The following LMO1 variants were observed in gnomAD, a reference collection of about 807,000 sequenced individuals.
LMO1 encodes the protein LIM domain only 1, also known as rhombotin-1.
Under a neutral mutation model 18.0 loss-of-function variants are expected in LMO1, and 10 were observed. The observed-to-expected ratio is 0.55, with a 90% CI of 0.34 to 0.94. LMO1 has a LOEUF of 0.94. Ranked by LOEUF, LMO1 falls within the 40% of genes least tolerant of loss-of-function variation. The pLI is 0.02. For missense variants in LMO1, 183 were observed against 205.7 expected, an observed-to-expected ratio of 0.89 and a Z score of 0.68; for synonymous variants, 77 against 77.9, an observed-to-expected ratio of 0.99 and a Z score of 0.06.
intron 1 of LMO1, among the ~76,000 whole-genome samples, chr11:8,246,097 G>A (rs1846889171): frequency 6.6e-6 from 1 of 152,030 alleles, no homozygotes; most frequent in Non-Finnish European, 1.5e-5. Flanking sequence ...CCTCCCACCT[G>A]TCCCCACCTG....
chr11:8,254,108 GA>G (rs1016105736), intron 1 of LMO1, among the ~76,000 whole-genome samples: 1 of 151,540 alleles, frequency 6.6e-6, no homozygotes, highest in African/African-American at 2.4e-5. Context: ...ACTGTGAGAG[GA>G]AAAAAAAGTG....
intron 1 of LMO1, among the ~76,000 whole-genome samples, chr11:8,258,702 G>C (rs1164403681): frequency 6.6e-6 from 1 of 152,190 alleles, no homozygotes; most frequent in Non-Finnish European, 1.5e-5. Context: ...TGGGGGTAAG[G>C]AATCAATTAC....
At chr11:8,265,600 T>A (rs1847253130), upstream of LMO1, among the ~76,000 whole-genome samples, 1 of 152,302 alleles carries the variant, frequency 6.6e-6, no homozygotes, top group East Asian at 1.9e-4. Flanking sequence ...TTGCTCAGAC[T>A]CACCAGCCTC....
Position 8,260,874 on chromosome 11 carries a change from T to C in LMO1, c.25+2464A>G, listed in dbSNP as rs150108114. ...GTGCCGTATGCAGGGAACGCACCCT[T>C]TGGGGGAGCCGGGGGGTGGGGGAAT... is the stretch of plus-strand genomic sequence containing the variant. On this transcript the variant is annotated intron_variant, in intron 1 of 3. Transcript: ENST00000335790. 3.4e-4 allele frequency among the ~76,000 whole-genome samples: 52 copies of C among 152,112 alleles called. 1 individual carries two copies. In the East Asian group the frequency reaches 9.5e-3, roughly 28 times the overall value.
chr11:8,224,369 A>T lies in LMO1; in HGVS notation c.*247T>A, dbSNP rs1952493592. The T allele has an allele frequency of 2.0e-6, 1 of 501,708 alleles. No homozygotes were observed. 31.1% of individuals were successfully genotyped at this position (501,708 alleles called of 1,614,324 possible). ...AATAAAATCGCATTACATTTCTCAT[A>T]AAATAAATGTTCCCATTTATATACA... On this transcript the variant is annotated 3_prime_UTR_variant, in exon 4 of 4. Transcript: ENST00000335790.
At chr11:8,238,994 T>G (rs894720956) in intron 1 of LMO1, among the ~76,000 whole-genome samples, 4 of 152,198 alleles carry the variant, frequency 2.6e-5, no homozygotes, top group Non-Finnish European at 5.9e-5. Context: ...TCTTACAGTG[T>G]TATCTCAATG....
chr11:8,263,578 G>A lies in LMO1; in HGVS notation c.-216C>T. 7.3e-7 allele frequency: 1 copy of A among 1,369,980 alleles called. No homozygotes were observed. The highest frequency in any genetic ancestry group is 9.4e-7 in the Non-Finnish European group (1 of 1,065,536). The allele number at this position is 1,369,980 out of a possible 1,614,324, so 84.9% of individuals were successfully genotyped here. A position where few individuals can be genotyped will look rare whatever the true frequency, so the allele number is the denominator to read the frequency against. On this transcript the variant is annotated 5_prime_UTR_variant, in exon 1 of 4. Coordinates refer to ENST00000335790, the MANE Select transcript of LMO1 (RefSeq NM_002315.3). ...CAGTCTCACCTACTTTTGTGCCTCA[G>A]AATTGGAAGGAACTACGAACTGCAA...
upstream of LMO1, among the ~76,000 whole-genome samples, chr11:8,265,416 G>A (rs962951427): frequency 1.3e-5 from 2 of 152,140 alleles, no homozygotes; most frequent in African/African-American, 4.8e-5. Context: ...GGGGAGCAGC[G>A]GGCTGCAGCC....
intron 1 of LMO1, among the ~76,000 whole-genome samples, chr11:8,239,674 G>T (rs1846750572): frequency 6.6e-6 from 1 of 152,190 alleles, no homozygotes; most frequent in African/African-American, 2.4e-5. Context: ...AGGTCCTGGA[G>T]ACAGGCCCAG....
In LMO1 at chr11:8,263,386, C is replaced by T; in HGVS notation, c.-24G>A. 2 of 1,601,188 alleles carry T rather than the reference C, an allele frequency of 1.2e-6. No individual in the cohort carries two copies. Among genetic ancestry groups the T allele is most frequent in the Non-Finnish European group, 1.7e-6 (2 of 1,177,356 alleles). ...ATCTCGGGCGCTCCGTGTCCAGCCG[C>T]AGCTAGGCTCGGCCGGGAGAAGGGC... is the stretch of plus-strand genomic sequence containing the variant. On this transcript the variant is annotated 5_prime_UTR_variant, in exon 1 of 4. Transcript: ENST00000335790.
chr11:8,251,872 AGTGTGTGT>A (rs569548190), intron 1 of LMO1, among the ~76,000 whole-genome samples: 22 of 29,568 alleles, frequency 7.4e-4, no homozygotes, highest in East Asian at 1.4e-3. Context: ...AATGTGTGTG[AGTGTGTGT>A]GTGTATAGGT....
At chr11:8,233,164 G>A (rs1952700139) in intron 1 of LMO1, among the ~76,000 whole-genome samples, 1 of 152,162 alleles carries the variant, frequency 6.6e-6, no homozygotes. Context: ...TCTTATAGAA[G>A]CCACACAGCT....
At chr11:8,251,797 T>G (rs1330447562) in intron 1 of LMO1, among the ~76,000 whole-genome samples, 1 of 148,234 alleles carries the variant, frequency 6.7e-6, no homozygotes, top group Admixed American at 6.7e-5. Context: ...GGGTGTGGAG[T>G]GCGTGTGTGA....
intron 3 of LMO1, among the ~76,000 whole-genome samples, chr11:8,226,023 G>A (rs1213915372): frequency 6.6e-6 from 1 of 152,206 alleles, no homozygotes; most frequent in Non-Finnish European, 1.5e-5. Flanking sequence ...AAAATAGGCT[G>A]GGCTGGAACC....
At chr11:8,224,806 A>C in intron 3 of LMO1, 85 bp from the exon 4 acceptor site, 1 of 853,934 alleles carries the variant, frequency 1.2e-6, no homozygotes, top group Non-Finnish European at 1.9e-6. Flanking sequence ...GGCCTGGCCT[A>C]TGAGGTGAGC....
At chr11:8,254,593 C>T (rs963294554) in intron 1 of LMO1, among the ~76,000 whole-genome samples, 6 of 130,758 alleles carry the variant, frequency 4.6e-5, no homozygotes, top group Admixed American at 8.1e-5. Flanking sequence ...AAAGAGGCAA[C>T]GGGGACTGAC....
intron 1 of LMO1, among the ~76,000 whole-genome samples, chr11:8,258,981 A>T (rs1034709284): frequency 3.3e-5 from 5 of 152,200 alleles, no homozygotes; most frequent in African/African-American, 7.2e-5. Flanking sequence ...GGGCATCAGT[A>T]GTTAATGCAG....
chr11:8,242,770 A>G (rs1846817452), intron 1 of LMO1, among the ~76,000 whole-genome samples: 1 of 152,234 alleles, frequency 6.6e-6, no homozygotes, highest in Non-Finnish European at 1.5e-5. Context: ...GGAGGAGGAC[A>G]TGGACTCTCA....
Position 8,260,020 on chromosome 11 carries a change from G to T in LMO1, c.25+3318C>A, listed in dbSNP as rs529285075. Among the ~76,000 whole-genome samples the T allele has an allele frequency of 2.0e-5, 3 of 152,188 alleles. No individual in the cohort carries two copies. In the East Asian group the frequency reaches 5.8e-4, roughly 29 times the overall value. On this transcript the variant is annotated intron_variant, in intron 1 of 3. Coordinates refer to ENST00000335790, the MANE Select transcript of LMO1 (RefSeq NM_002315.3). ...TTCCTGCTGGGCCTTTGCAAAGGCC[G>T]TTTATACCCAGCCCTGCCCTTCTCC...
Sources: gnomAD v4.1 joint callset for allele counts (sites outside exome capture counted in the v4.1 genomes callset) on GRCh38, gnomAD v4.1.1 for gene constraint, MANE v1.5 for transcripts, NCBI Gene and HGNC (gene_info 2026-07-23, HGNC 2026-07-21) for gene names.